TRERF1: variants seen among roughly 807,000 people sequenced by gnomAD.
The protein encoded by TRERF1 is transcriptional regulating factor 1.
In TRERF1, 27 loss-of-function variants were observed where a neutral mutation model predicts 122.9. The observed-to-expected ratio is 0.22, with a 90% CI of 0.16 to 0.30. TRERF1 has a LOEUF of 0.30. Ranked by LOEUF, TRERF1 falls within the 10% of genes least tolerant of loss-of-function variation. TRERF1 has a pLI of 1.00. For missense variants in TRERF1, 1,248 were observed against 1,560.3 expected (o/e 0.80, Z 3.37); for synonymous variants, 636 against 641.7 (o/e 0.99, Z 0.13).
exon 7 of TRERF1, chr6:42,264,795 G>C: frequency 6.2e-7 from 1 of 1,614,222 alleles, no homozygotes; most frequent in Non-Finnish European, 8.5e-7. Flanking sequence ...CAGGCAGATG[G>C]AGCATGTCAG....
At chr6:42,282,746 T>G (rs979266264) in intron 4 of TRERF1, among the ~76,000 whole-genome samples, 1 of 152,178 alleles carries the variant, frequency 6.6e-6, no homozygotes, top group African/African-American at 2.4e-5. Context: ...ATATAGATAG[T>G]TGATTTTTGT....
intron 6 of TRERF1, 37 bp from the exon 7 acceptor site, chr6:42,264,891 C>G (rs772029995): frequency 6.2e-7 from 1 of 1,607,848 alleles, no homozygotes; most frequent in African/African-American, 1.3e-5. Flanking sequence ...AGGACACATA[C>G]GTTGAGGAAG....
chr6:42,314,948 AAAGGCC>A (rs1174398506), intron 3 of TRERF1, among the ~76,000 whole-genome samples: 1 of 152,194 alleles, frequency 6.6e-6, no homozygotes, highest in Admixed American at 6.5e-5. Context: ...GGTGCTTAGG[AAAGGCC>A]AAGGTAAGGA....
chr6:42,407,742 T>A (rs938175527), intron 2 of TRERF1, among the ~76,000 whole-genome samples: 3 of 151,538 alleles, frequency 2.0e-5, no homozygotes, highest in African/African-American at 7.3e-5. Flanking sequence ...CAACATTCCA[T>A]GACATATTTA....
chr6:42,403,094 C>A (rs1202478711), intron 2 of TRERF1, among the ~76,000 whole-genome samples: 1 of 151,980 alleles, frequency 6.6e-6, no homozygotes, highest in Non-Finnish European at 1.5e-5. Context: ...GGGGTGCTCA[C>A]AGAGAGGGAG....
chr6:42,298,141 T>TTTTTTG (rs894267973), intron 4 of TRERF1, among the ~76,000 whole-genome samples: 65 of 151,974 alleles, frequency 4.3e-4, no homozygotes, highest in African/African-American at 1.3e-3. Context: ...GTTGTTGTTT[T>TTTTTTG]TTTTTGTTTT....
At chr6:42,234,480 GGC>G (rs1771612325) in intron 16 of TRERF1, among the ~76,000 whole-genome samples, 1 of 151,958 alleles carries the variant, frequency 6.6e-6, no homozygotes, top group South Asian at 2.1e-4. Context: ...TGGGACTACA[GGC>G]GCGCACCACC....
At chr6:42,331,036 G>A (rs761911744) in intron 3 of TRERF1, among the ~76,000 whole-genome samples, 1 of 152,092 alleles carries the variant, frequency 6.6e-6, no homozygotes, top group Non-Finnish European at 1.5e-5. Context: ...TGCAAAACAC[G>A]AGACTGGGTA....
In TRERF1 at chr6:42,256,838, G is replaced by A. The variant is rs1206839130; in HGVS notation, c.2477-7C>T. The A allele has an allele frequency of 6.2e-7, 1 of 1,613,946 alleles. No homozygotes were observed. On this transcript the variant is annotated splice_region_variant and splice_polypyrimidine_tract_variant and intron_variant, in intron 11 of 17. Coordinates refer to ENST00000372922, the Ensembl canonical transcript of TRERF1. ...AAATTCAGAAGATTCTCCACTGTTG[G>A]GAATAAGGAGAAGCCAATGCATCAG...
chr6:42,403,708 A>G (rs1406807112), intron 2 of TRERF1, among the ~76,000 whole-genome samples: 1 of 152,168 alleles, frequency 6.6e-6, no homozygotes, highest in Non-Finnish European at 1.5e-5. Context: ...TGTGTTAAGG[A>G]GTTTGTACTC....
chr6:42,294,050 G>A (rs1040818667), intron 4 of TRERF1, among the ~76,000 whole-genome samples: 5 of 152,116 alleles, frequency 3.3e-5, no homozygotes, highest in African/African-American at 1.2e-4. Context: ...TGAGCCCTTT[G>A]GGGAAACAAT....
At chr6:42,383,695 T>C (rs1056070542) in intron 2 of TRERF1, among the ~76,000 whole-genome samples, 8 of 152,090 alleles carry the variant, frequency 5.3e-5, no homozygotes, top group African/African-American at 1.7e-4. Flanking sequence ...AAAGCCTCAT[T>C]TGAATGCACA....
At chr6:42,321,980 C>G (rs1763535675) in intron 3 of TRERF1, among the ~76,000 whole-genome samples, 1 of 152,038 alleles carries the variant, frequency 6.6e-6, no homozygotes, top group African/African-American at 2.4e-5. Flanking sequence ...ATGGCAGCTA[C>G]AAAATAAAAA....
At chr6:42,385,332 G>A (rs116245764) in intron 2 of TRERF1, among the ~76,000 whole-genome samples, 1,604 of 152,158 alleles carry the variant, frequency 0.011, 14 homozygotes, top group East Asian at 0.023. Flanking sequence ...GAATACACAA[G>A]GAGCTCACCA....
In TRERF1 at chr6:42,256,834, G is replaced by A. The variant is rs756582527; in HGVS notation, c.2477-3C>T. 1 of 1,614,122 alleles carries A rather than the reference G, an allele frequency of 6.2e-7. No individual in the cohort carries two copies. The highest frequency in any genetic ancestry group is 1.1e-5 in the South Asian group (1 of 91,088). On this transcript the variant is annotated splice_region_variant and splice_polypyrimidine_tract_variant and intron_variant, in intron 11 of 17. Transcript: ENST00000372922. ...GCACAAATTCAGAAGATTCTCCACT[G>A]TTGGGAATAAGGAGAAGCCAATGCA...
chr6:42,417,460 G>A (rs1415777746), intron 2 of TRERF1, among the ~76,000 whole-genome samples: 1 of 152,216 alleles, frequency 6.6e-6, no homozygotes, highest in African/African-American at 2.4e-5. Flanking sequence ...CTCTAAGAGT[G>A]TGTCACCTGA....
Position 42,268,257 on chromosome 6 carries a change from C to T in TRERF1, c.1334G>A (p.Ser445Asn). ...GAGGGGGCGATGGGGGAGGGTGCTG[C>T]TGACCCGGGTCAGATCTGAGCTCGC... Residue 445 changes from serine to asparagine, a missense_variant, in exon 5 of 18, where the codon AGC (serine) becomes AAC (asparagine). Ser to Asn is a conservative substitution (Grantham distance 46). Around this residue, in one of 5 missense-constraint regions of TRERF1, gnomAD observed 946 missense variants for 1,073.0 expected, o/e 0.88. Transcript: ENST00000372922. The surrounding 1 kb of genome is among the most constrained non-coding windows in gnomAD (Gnocchi z 4.4). 1 of 1,501,034 alleles carries T rather than the reference C, an allele frequency of 6.7e-7. No individual in the cohort carries two copies. Among genetic ancestry groups the T allele is most frequent in the Non-Finnish European group, 8.9e-7 (1 of 1,125,746 alleles). 93.0% of individuals were successfully genotyped at this position (1,501,034 alleles called of 1,614,324 possible). A position where few individuals can be genotyped will look rare whatever the true frequency, so the allele number is the denominator to read the frequency against.
At chr6:42,325,640 G>A (rs2150510106) in intron 3 of TRERF1, among the ~76,000 whole-genome samples, 1 of 152,352 alleles carries the variant, frequency 6.6e-6, no homozygotes, top group Middle Eastern at 3.4e-3. Context: ...TTGGGAGGCT[G>A]AGGCAGGAGG....
At position 42,393,427 on chromosome 6, in the gene TRERF1, G is replaced by T. The variant is rs191566242; in HGVS notation, c.-453-30348C>A. Among the ~76,000 whole-genome samples, 1 of 152,352 alleles carries T rather than the reference G, an allele frequency of 6.6e-6. No individual in the cohort carries two copies. The highest frequency in any genetic ancestry group is 2.4e-5 in the African/African-American group (1 of 41,578). On this transcript the variant is annotated intron_variant, in intron 2 of 17. Transcript: ENST00000372922. The surrounding 1 kb of genome is among the most constrained non-coding windows in gnomAD (Gnocchi z 4.1). ...CCCCTGAGAAGGAGGGCTTCTCAGA[G>T]AAGTGGTTGAAGGACGATGAGAAGT...
Sources: allele counts gnomAD v4.1 joint callset (sites outside exome capture counted in the v4.1 genomes callset), GRCh38; gene constraint gnomAD v4.1.1; regional missense constraint gnomAD v4.1.1; non-coding constraint Gnocchi (gnomAD v3.1); transcripts MANE v1.5; gene names NCBI Gene and HGNC (gene_info 2026-07-23, HGNC 2026-07-21).